Variants in TULP2 observed in about 807,000 individuals in gnomAD.
TULP2 encodes the protein TUB like protein 2.
TULP2 carries 64 observed loss-of-function variants against 60.3 expected under a neutral mutation model. The ratio of observed to expected loss-of-function variants is 1.06; its 90% CI spans 0.87 to 1.31. The LOEUF (loss-of-function observed/expected upper bound fraction) is 1.31. Among genes scored for constraint, TULP2 ranks in the 50% most tolerant of loss-of-function variants. The probability of loss-of-function intolerance (pLI) is 0.00; values close to 1 mark genes in which losing one functional copy is unlikely to be tolerated. For synonymous variants in TULP2, 267 were observed against 265.4 expected (o/e 1.01, Z -0.06); for missense variants, 652 against 667.0 (o/e 0.98, Z 0.25).
chr19:48,881,042 G>A lies in TULP2; in HGVS notation c.1532C>T (p.Ala511Val). ...GAAACTGGACAAGCAGATGCTGAAG[G>A]CCTGGAGCGGGCTAAATGGAAAGCA... ...DFCFPFSPLQ[A>V]FSICLSSFN The change falls in exon 13 of 13, where the codon GCC (alanine) becomes GTC (valine). Residue 511 changes from alanine (A) to valine (V), a missense_variant. Coordinates refer to ENST00000221399, the MANE Select transcript of TULP2 (RefSeq NM_003323.3). 6.2e-7 allele frequency: 1 copy of A among 1,613,920 alleles called. No homozygotes were observed.
intron 8 of TULP2, among the ~76,000 whole-genome samples, chr19:48,887,311 C>CTTTTTTTTTTTTTTTTTTTTTTTTTG (rs2037189073): frequency 2.5e-5 from 1 of 39,330 alleles, no homozygotes; most frequent in Non-Finnish European, 5.2e-5. Context: ...GCGCCCAGCC[C>CTTTTTTTTTTTTTTTTTTTTTTTTTG]TTTTTTTTTT....
intron 6 of TULP2, among the ~76,000 whole-genome samples, chr19:48,890,492 G>T (rs1568573832): frequency 6.6e-6 from 1 of 152,126 alleles, no homozygotes; most frequent in African/African-American, 2.4e-5. Flanking sequence ...GGTTCCCTGG[G>T]TCCCCTTATT....
chr19:48,886,268 T>C (rs1412559299), intron 8 of TULP2, among the ~76,000 whole-genome samples: 1 of 148,386 alleles, frequency 6.7e-6, no homozygotes, highest in Non-Finnish European at 1.5e-5. Flanking sequence ...ATCGCGCCAC[T>C]GCACTGGGCG....
chr19:48,892,695 G>C (rs984780015), intron 6 of TULP2, among the ~76,000 whole-genome samples: 8 of 151,814 alleles, frequency 5.3e-5, no homozygotes, highest in African/African-American at 1.7e-4. Context: ...AGTAAACGTG[G>C]GGTTTCACTG....
At chr19:48,898,035 C>A (rs1489186799) in intron 1 of TULP2, among the ~76,000 whole-genome samples, 166 bp from the exon 2 acceptor site, 1 of 151,974 alleles carries the variant, frequency 6.6e-6, no homozygotes, top group African/African-American at 2.4e-5. Flanking sequence ...TGCAGTGGCG[C>A]CATCTCGGCC....
At chr19:48,895,871 C>A (rs563821021) in intron 4 of TULP2, among the ~76,000 whole-genome samples, 7 of 152,196 alleles carry the variant, frequency 4.6e-5, no homozygotes, top group African/African-American at 1.7e-4. Context: ...AAGAGCTAAA[C>A]TCCGTCTCAA....
Position 48,896,434 on chromosome 19 carries a change from G to C in TULP2, c.207C>G (p.Asp69Glu), listed in dbSNP as rs764382313. ...CCCCCAGGGGTCTTTGGTCACCTCT[G>C]TCACCTAAAAGGCGCTCCTCCCGCA... ...SCLREERLLGDRGLGNPFLRK... is the reference protein window; with the variant it reads ...SCLREERLLGERGLGNPFLRK... The change falls in exon 4 of 13, where the codon GAC becomes GAG. Residue 69 changes from aspartate (D) to glutamate (E), a missense_variant. By Grantham distance (45) the Asp-to-Glu change is conservative. Coordinates refer to ENST00000221399, the MANE Select transcript of TULP2 (RefSeq NM_003323.3). 1.9e-5 allele frequency: 31 copies of C among 1,606,932 alleles called. No homozygotes were observed. The highest frequency in any genetic ancestry group is 2.6e-5 in the Non-Finnish European group (31 of 1,177,754).
rs2037296124 is a variant in TULP2, at chr19:48,897,831, A to G, written c.32+6T>C. On this transcript the variant is annotated splice_donor_region_variant and intron_variant, in intron 2 of 12. Transcript: ENST00000221399. The surrounding 1 kb of genome is among the most constrained non-coding windows in gnomAD (Gnocchi z 4.0). ...TCCACCCCTACCCATCTGTTTCCCTACTCACTCTCTCATCAATGTGTCATT... is the reference window on the plus strand; with the variant it reads ...TCCACCCCTACCCATCTGTTTCCCTGCTCACTCTCTCATCAATGTGTCATT... 1 of 1,612,864 alleles carries G rather than the reference A, an allele frequency of 6.2e-7. No homozygotes were observed. Among genetic ancestry groups the G allele is most frequent in the Non-Finnish European group, 8.5e-7 (1 of 1,179,572 alleles).
Position 48,885,516 on chromosome 19 carries a change from A to T in TULP2, c.993T>A (p.Ser331=), listed in dbSNP as rs769140166. ...AGRKRRRSKT[S]NYLISLDPTH... ...TAGGATCCAGGGAGATGAGGTAATT[A>T]GAAGTTTTGCTCCTTCTTCTCTTTC... is the stretch of plus-strand genomic sequence containing the variant. Residue 331 remains serine (S), a synonymous_variant, in exon 9 of 13, where the codon TCT becomes TCA. Transcript: ENST00000221399. 13 of 1,614,004 alleles carry T rather than the reference A, an allele frequency of 8.1e-6. No homozygotes were observed. The East Asian group carries it at 2.9e-4, about 36-fold the overall frequency.
chr19:48,883,852 C>A lies in TULP2; in HGVS notation c.1177G>T (p.Glu393Ter), dbSNP rs765354268. The change falls in exon 11 of 13, where the codon GAG (glutamate) becomes TAG (stop). Residue 393 changes from glutamate (E) to a stop codon, truncating the protein, a stop_gained and splice_region_variant. Coordinates refer to ENST00000221399, the MANE Select transcript of TULP2 (RefSeq NM_003323.3). LOFTEE classifies it high-confidence loss of function. ...CCCAGGTATCCTAAGACGTTGGGCT[C>A]CTGGGGGTATTACATTCCAGTTGGC... ...IRQELGAVCY[E>*]PNVLGYLGPR... 2 of 1,614,110 alleles carry A rather than the reference C, an allele frequency of 1.2e-6. No homozygotes were observed. Among genetic ancestry groups the A allele is most frequent in the East Asian group, 2.2e-5 (1 of 44,874 alleles).
rs1368908055 is a variant in TULP2, at chr19:48,882,029, C to CA, written c.1447+2dup. ...CCGGCTAAACTGGTTTCCAGGAGCT[C>CA]ACGGTGTTTGGGATCCACGATTTGG... On this transcript the variant is annotated splice_region_variant and intron_variant, in intron 12 of 12. Transcript: ENST00000221399. 6.2e-7 allele frequency: 1 copy of CA among 1,614,110 alleles called. No individual in the cohort carries two copies. The highest frequency in any genetic ancestry group is 1.3e-5 in the African/African-American group (1 of 74,936).
intron 3 of TULP2, 102 bp from the exon 4 acceptor site, chr19:48,896,658 T>C: frequency 7.2e-7 from 1 of 1,391,250 alleles, no homozygotes; most frequent in Non-Finnish European, 9.5e-7. Flanking sequence ...CGAGAGTTCG[T>C]GAACCCCTTC....
Position 48,881,064 on chromosome 19 carries a change from A to G in TULP2, c.1510T>C (p.Phe504Leu). The G allele has an allele frequency of 6.2e-7, 1 of 1,614,044 alleles. No homozygotes were observed. Among genetic ancestry groups the G allele is most frequent in the Non-Finnish European group, 8.5e-7 (1 of 1,179,978 alleles). Residue 504 changes from phenylalanine (F) to leucine (L), a missense_variant, in exon 13 of 13, where the codon TTT becomes CTT. Coordinates refer to ENST00000221399, the MANE Select transcript of TULP2 (RefSeq NM_003323.3). ...GPDTFTMDFC[F>L]PFSPLQAFSI... The stretch of plus-strand genomic sequence containing the variant: ...AAGGCCTGGAGCGGGCTAAATGGAA[A>G]GCAGAAGTCCATGGTGAATGTGTCT...
intron 6 of TULP2, among the ~76,000 whole-genome samples, chr19:48,891,544 C>T (rs1005795344): frequency 9.0e-5 from 10 of 110,746 alleles, no homozygotes; most frequent in African/African-American, 5.8e-4. Context: ...GCAGGAGAAT[C>T]GCTTAAACCC....
intron 6 of TULP2, 141 bp downstream of exon 6, chr19:48,894,857 A>G (rs974431037): frequency 7.7e-6 from 9 of 1,171,434 alleles, no homozygotes; most frequent in Non-Finnish European, 1.1e-5. Context: ...GTGTACTGGA[A>G]ACCATGGAAT....
rs778375592 is a variant in TULP2 at position 48,882,172 on chromosome 19, C to A, written c.1307G>T (p.Arg436Leu). Residue 436 changes from arginine to leucine, a missense_variant, in exon 12 of 13, where the codon CGT becomes CTT. Coordinates refer to ENST00000221399, the MANE Select transcript of TULP2 (RefSeq NM_003323.3). ...CAAAAGCAACCCTTGTTTGTCCCCA[C>A]GTTGGTAACGACTCAGTAGCGACTC... ...EQESLLSRYQ[R>L]GDKQGLLLLH... The A allele has an allele frequency of 7.4e-6, 12 of 1,613,956 alleles. No individual in the cohort carries two copies. Among genetic ancestry groups the A allele is most frequent in the Admixed American group, 1.7e-5 (1 of 60,012 alleles).
At chr19:48,885,814 G>T (rs1316860094) in intron 8 of TULP2, among the ~76,000 whole-genome samples, 2 of 152,080 alleles carry the variant, frequency 1.3e-5, no homozygotes, top group Non-Finnish European at 2.9e-5. Flanking sequence ...GAACCCAGGG[G>T]GCAGAGGTTG....
intron 9 of TULP2, among the ~76,000 whole-genome samples, chr19:48,884,540 G>C (rs1459257841): frequency 6.6e-6 from 1 of 152,074 alleles, no homozygotes; most frequent in Non-Finnish European, 1.5e-5. Flanking sequence ...GGAGGCCAAG[G>C]CGGGTGGATC....
In TULP2 at chr19:48,897,586, C is replaced by G; in HGVS notation, c.33-190G>C. On this transcript the variant is annotated intron_variant, in intron 2 of 12. Coordinates refer to ENST00000221399, the MANE Select transcript of TULP2 (RefSeq NM_003323.3). The surrounding 1 kb of genome is among the most constrained non-coding windows in gnomAD (Gnocchi z 4.0). Reference sequence around the variant, plus strand: ...TCTCCTGGCACTGGCCCACAGAAGCCGGGACCCAGAGATCCCAGGTCCCTC... The same window carrying G: ...TCTCCTGGCACTGGCCCACAGAAGCGGGGACCCAGAGATCCCAGGTCCCTC... 1.4e-6 allele frequency: 1 copy of G among 706,660 alleles called. No homozygotes were observed. The allele number at this position is 706,660 out of a possible 1,614,324, so 43.8% of individuals were successfully genotyped here. A position where few individuals can be genotyped will look rare whatever the true frequency, so the allele number is the denominator to read the frequency against.
Sources: gnomAD v4.1 joint callset for allele counts (sites outside exome capture counted in the v4.1 genomes callset) on GRCh38, gnomAD v4.1.1 for gene constraint, Gnocchi (gnomAD v3.1) non-coding constraint, MANE v1.5 for transcripts, NCBI Gene and HGNC (gene_info 2026-07-23, HGNC 2026-07-21) for gene names.